Variants in PAG1 observed in about 807,000 individuals in gnomAD.
PAG1 encodes the protein phosphoprotein associated with glycosphingolipid-enriched microdomains 1.
A neutral mutation model predicts 31.7 loss-of-function variants in PAG1; 23 were observed. The ratio of observed to expected loss-of-function variants is 0.73; its 90% confidence interval spans 0.52 to 1.03. PAG1 has a LOEUF of 1.03. Among genes scored for constraint, PAG1 ranks in the 50% least tolerant of loss-of-function variants. PAG1 has a pLI of 0.00. For missense variants in PAG1, 473 were observed against 540.7 expected (o/e 0.87, Z 1.24); for synonymous variants, 214 against 210.3 (o/e 1.02, Z -0.15).
intron 1 of PAG1, among the ~76,000 whole-genome samples, chr8:81,094,733 G>C (rs1416724076): frequency 6.6e-6 from 1 of 152,184 alleles, no homozygotes; most frequent in Admixed American, 6.5e-5. Flanking sequence ...TCTATCCCAA[G>C]ATGGGATATA....
intron 1 of PAG1, among the ~76,000 whole-genome samples, chr8:81,092,802 C>A (rs1271600832): frequency 6.6e-6 from 1 of 152,228 alleles, no homozygotes; most frequent in Non-Finnish European, 1.5e-5. Context: ...TAATCCCTAA[C>A]TGATCTCAAA....
intron 3 of PAG1, among the ~76,000 whole-genome samples, chr8:81,006,500 G>T (rs1807879740): frequency 6.6e-6 from 1 of 152,068 alleles, no homozygotes; most frequent in Non-Finnish European, 1.5e-5. Context: ...TCTCATAGCG[G>T]GTCCCCAGGG....
At position 80,990,698 on chromosome 8, in the gene PAG1, G is replaced by A. The variant is rs1807522503; in HGVS notation, c.177+781C>T. 6.6e-6 allele frequency among the ~76,000 whole-genome samples: 1 copy of A among 152,132 alleles called. No individual in the cohort carries two copies. ...CCTCAGGATCATCAGGACCCTGTAA[G>A]ATACTGAGGGCTGGGAAAACGCCAG... On this transcript the variant is annotated intron_variant, in intron 5 of 8. Coordinates refer to ENST00000220597, the MANE Select transcript of PAG1 (RefSeq NM_018440.4). The surrounding 1 kb of genome is among the most constrained non-coding windows in gnomAD (Gnocchi z 5.1).
intron 1 of PAG1, among the ~76,000 whole-genome samples, chr8:81,077,421 GA>G (rs1212553602): frequency 1.3e-5 from 2 of 152,096 alleles, no homozygotes; most frequent in African/African-American, 4.8e-5. Context: ...GGGCCTACAG[GA>G]ACAAAACTGT....
intron 2 of PAG1, among the ~76,000 whole-genome samples, chr8:81,035,652 G>C (rs1186091523): frequency 6.6e-6 from 1 of 152,122 alleles, no homozygotes; most frequent in African/African-American, 2.4e-5. Context: ...AAATAGTGAG[G>C]GAACAAGGAA....
At chr8:81,046,696 T>C (rs1808647628) in intron 2 of PAG1, among the ~76,000 whole-genome samples, 1 of 152,176 alleles carries the variant, frequency 6.6e-6, no homozygotes, top group African/African-American at 2.4e-5. Context: ...CCAATTTTTA[T>C]TTTAAGTTCA....
intron 1 of PAG1, among the ~76,000 whole-genome samples, chr8:81,090,127 C>G (rs1205254326): frequency 6.6e-6 from 1 of 152,098 alleles, no homozygotes; most frequent in Non-Finnish European, 1.5e-5. Flanking sequence ...TCCTGGTGTA[C>G]AGGAATACAG....
intron 3 of PAG1, among the ~76,000 whole-genome samples, chr8:81,007,068 T>A (rs904694115): frequency 3.3e-5 from 5 of 152,164 alleles, no homozygotes; most frequent in African/African-American, 1.2e-4. Flanking sequence ...CACTTCTCTA[T>A]GCTACGTTTT....
intron 1 of PAG1, among the ~76,000 whole-genome samples, chr8:81,101,482 A>G (rs1442528300): frequency 6.6e-6 from 1 of 152,204 alleles, no homozygotes; most frequent in East Asian, 1.9e-4. Flanking sequence ...ATACAATGAC[A>G]CCATTCTAGT....
chr8:81,034,556 C>G (rs998545704), intron 2 of PAG1, among the ~76,000 whole-genome samples: 4 of 152,130 alleles, frequency 2.6e-5, no homozygotes, highest in African/African-American at 9.7e-5. Flanking sequence ...GAATTCCCTG[C>G]CACAATAAAG....
intron 2 of PAG1, chr8:81,058,549 A>C (rs1454729587): frequency 6.6e-6 from 1 of 152,040 alleles, no homozygotes. Flanking sequence ...CTGAGGTATG[A>C]TTACACCATT....
Position 80,971,829 on chromosome 8 carries a change from G to A in PAG1, c.*4715C>T, listed in dbSNP as rs1024411886. 1 of 152,050 alleles carries A rather than the reference G, an allele frequency of 6.6e-6. No individual in the cohort carries two copies. Among genetic ancestry groups the A allele is most frequent in the African/African-American group, 2.4e-5 (1 of 41,398 alleles). The allele number at this position is 152,050 out of a possible 1,614,324, so 9.4% of individuals were successfully genotyped here. ...TAGATGTAAACACAGACCTAAAAATGAGCAGTAGGATAAAAAAAACCATGA... is the reference window on the plus strand; with the variant it reads ...TAGATGTAAACACAGACCTAAAAATAAGCAGTAGGATAAAAAAAACCATGA... On this transcript the variant is annotated 3_prime_UTR_variant, in exon 9 of 9. Transcript: ENST00000220597.
chr8:80,995,712 T>C (rs2130537235), intron 3 of PAG1, among the ~76,000 whole-genome samples: 1 of 152,358 alleles, frequency 6.6e-6, no homozygotes, highest in Admixed American at 6.5e-5. Context: ...TAAAAAGAGT[T>C]TGCTGTGTGA....
chr8:81,083,595 A>G (rs1027818757), intron 1 of PAG1, among the ~76,000 whole-genome samples: 2 of 152,130 alleles, frequency 1.3e-5, no homozygotes, highest in African/African-American at 4.8e-5. Context: ...CTAGAGTACA[A>G]CAGTTATTAT....
At chr8:81,102,028 C>T (rs759879001) in intron 1 of PAG1, among the ~76,000 whole-genome samples, 4 of 152,036 alleles carry the variant, frequency 2.6e-5, no homozygotes, top group Non-Finnish European at 5.9e-5. Flanking sequence ...CTGAACAGAA[C>T]ACTAACTCTA....
intron 2 of PAG1, among the ~76,000 whole-genome samples, chr8:81,045,745 A>G (rs760095559): frequency 3.9e-4 from 59 of 152,252 alleles, no homozygotes; most frequent in Non-Finnish European, 7.9e-4. Context: ...CATTCAACCC[A>G]TCCCAAACTA....
intron 1 of PAG1, among the ~76,000 whole-genome samples, chr8:81,088,658 C>T (rs1809398838): frequency 6.6e-6 from 1 of 152,098 alleles, no homozygotes; most frequent in African/African-American, 2.4e-5. Context: ...AATAAATCTG[C>T]CTTGCCTATT....
chr8:81,100,980 A>G (rs1809601916), intron 1 of PAG1, among the ~76,000 whole-genome samples: 1 of 152,238 alleles, frequency 6.6e-6, no homozygotes, highest in Non-Finnish European at 1.5e-5. Context: ...ATCTAGGAGA[A>G]CGATTTTGAA....
intron 2 of PAG1, among the ~76,000 whole-genome samples, chr8:81,065,027 A>AC (rs1359786054): frequency 9.9e-5 from 15 of 152,138 alleles, no homozygotes; most frequent in Non-Finnish European, 2.1e-4. Flanking sequence ...CTTCTCCCAA[A>AC]CCTCTGGCAA....
Sources: allele counts gnomAD v4.1 joint callset (sites outside exome capture counted in the v4.1 genomes callset), GRCh38; gene constraint gnomAD v4.1.1; non-coding constraint Gnocchi (gnomAD v3.1); transcripts MANE v1.5; gene names NCBI Gene and HGNC (gene_info 2026-07-23, HGNC 2026-07-21).